The following MTHFD2L variants were observed in gnomAD, a reference collection of about 807,000 sequenced individuals.
The protein encoded by MTHFD2L is methylenetetrahydrofolate dehydrogenase (NADP+ dependent) 2 like.
MTHFD2L carries 29 observed loss-of-function variants against 34.9 expected under a neutral mutation model. The observed-to-expected ratio is 0.83, with a 90% confidence interval of 0.62 to 1.13. The LOEUF is 1.13. Ranked by LOEUF, MTHFD2L falls within the 50% of genes most tolerant of loss-of-function variation. MTHFD2L has a pLI of 0.00. For missense variants in MTHFD2L, 481 were observed against 446.5 expected (o/e 1.08, Z -0.70); for synonymous variants, 167 against 155.7 (o/e 1.07, Z -0.54).
chr4:74,130,783 G>A (rs547254845), intron 1 of MTHFD2L, among the ~76,000 whole-genome samples: 4 of 152,284 alleles, frequency 2.6e-5, no homozygotes, highest in Admixed American at 2.0e-4. Context: ...AATAGGAATA[G>A]AGGGAGTCAA....
chr4:74,241,622 C>T, intron 6 of MTHFD2L: 2 of 439,014 alleles, frequency 4.6e-6, no homozygotes, highest in East Asian at 7.6e-5. Flanking sequence ...AAGCGATCCA[C>T]CTGCCTCAGC....
At chr4:74,157,188 G>C (rs1724348740), upstream of MTHFD2L, 1 of 161,202 alleles carries the variant, frequency 6.2e-6, no homozygotes, top group Admixed American at 6.0e-5. Context: ...GAAAGAGTAG[G>C]GTATCCCATT....
At chr4:74,233,320 A>G (rs1418795900) in intron 6 of MTHFD2L, among the ~76,000 whole-genome samples, 3 of 152,174 alleles carry the variant, frequency 2.0e-5, no homozygotes, top group African/African-American at 7.2e-5. Flanking sequence ...GTGTAGTATC[A>G]AAAGAAACGT....
At chr4:74,173,212 A>G (rs1728359838) in intron 1 of MTHFD2L, among the ~76,000 whole-genome samples, 1 of 152,218 alleles carries the variant, frequency 6.6e-6, no homozygotes, top group Admixed American at 6.5e-5. Flanking sequence ...TTAAAAAAAT[A>G]AACACACAGT....
intron 6 of MTHFD2L, among the ~76,000 whole-genome samples, chr4:74,258,343 G>A (rs1744278039): frequency 6.6e-6 from 1 of 151,982 alleles, no homozygotes; most frequent in Non-Finnish European, 1.5e-5. Context: ...TTCATTGATG[G>A]ATGAATGTAT....
intron 3 of MTHFD2L, among the ~76,000 whole-genome samples, chr4:74,185,725 A>G (rs1350078327): frequency 6.6e-6 from 1 of 152,206 alleles, no homozygotes; most frequent in African/African-American, 2.4e-5. Flanking sequence ...AGCTCACTCA[A>G]AAAGAAATGT....
chr4:74,173,562 A>G lies in MTHFD2L; in HGVS notation c.144-944A>G, dbSNP rs139678585. 4.2e-3 allele frequency among the ~76,000 whole-genome samples: 646 copies of G among 152,266 alleles called. 20 individuals are homozygous for G. The highest frequency in any genetic ancestry group is 0.04 in the Admixed American group (616 of 15,286). On this transcript the variant is annotated intron_variant, in intron 1 of 7. Transcript: ENST00000325278. ...CATTTTTCTTTGAGTAAGTTAAAAG[A>G]GTTGTGTAGTATGAAGCTCATGACT... is the stretch of plus-strand genomic sequence containing the variant.
chr4:74,278,778 C>T (rs949888804), intron 6 of MTHFD2L, among the ~76,000 whole-genome samples: 4 of 152,018 alleles, frequency 2.6e-5, no homozygotes, highest in African/African-American at 4.8e-5. Flanking sequence ...CCACCGCTGG[C>T]CTAGAGTAAA....
chr4:74,204,960 C>T lies in MTHFD2L; in HGVS notation c.712+3590C>T, dbSNP rs146128774. The stretch of plus-strand genomic sequence containing the variant: ...TATACTTCGTGTTATGAAATATTCT[C>T]ATTTGAATGCATGTTAAAATGGAAT... On this transcript the variant is annotated intron_variant, in intron 5 of 7. Coordinates refer to ENST00000325278, the MANE Select transcript of MTHFD2L (RefSeq NM_001144978.3). Among the ~76,000 whole-genome samples the T allele has an allele frequency of 8.3e-3, 1,263 of 152,136 alleles. 6 individuals are homozygous for T. Among genetic ancestry groups the T allele is most frequent in the South Asian group, 0.027 (129 of 4,802 alleles).
At chr4:74,181,039 C>T (rs1248954052) in intron 3 of MTHFD2L, among the ~76,000 whole-genome samples, 1 of 151,718 alleles carries the variant, frequency 6.6e-6, no homozygotes, top group Admixed American at 6.6e-5. Flanking sequence ...GAAAAATAGT[C>T]TTTTAAAACT....
At chr4:74,137,943 A>G (rs966968209) in intron 1 of MTHFD2L, among the ~76,000 whole-genome samples, 1 of 152,046 alleles carries the variant, frequency 6.6e-6, no homozygotes, top group Non-Finnish European at 1.5e-5. Context: ...GTTACCAGAG[A>G]CCAAGAATGG....
chr4:74,280,516 A>G (rs888487870), intron 6 of MTHFD2L: 1 of 152,122 alleles, frequency 6.6e-6, no homozygotes, highest in African/African-American at 2.4e-5. Flanking sequence ...CTCCAATTAC[A>G]TGAAAGATCC....
At chr4:74,129,442 C>A (rs969342300) in intron 1 of MTHFD2L, among the ~76,000 whole-genome samples, 27 of 152,268 alleles carry the variant, frequency 1.8e-4, no homozygotes, top group African/African-American at 6.3e-4. Context: ...AAGAAACTCA[C>A]TCAAAACCAC....
intron 6 of MTHFD2L, among the ~76,000 whole-genome samples, chr4:74,254,321 A>G (rs979760582): frequency 6.6e-6 from 1 of 152,198 alleles, no homozygotes; most frequent in Non-Finnish European, 1.5e-5. Context: ...AAAGAGGTAT[A>G]TACCAAAACG....
intron 3 of MTHFD2L, among the ~76,000 whole-genome samples, chr4:74,176,161 T>G (rs1342587287): frequency 1.3e-5 from 2 of 152,072 alleles, no homozygotes; most frequent in Non-Finnish European, 2.9e-5. Flanking sequence ...TCCTCGTTTG[T>G]GTGATGGATT....
At chr4:74,211,815 GTT>G (rs1163579080) in intron 5 of MTHFD2L, among the ~76,000 whole-genome samples, 1 of 146,090 alleles carries the variant, frequency 6.8e-6, no homozygotes, top group Non-Finnish European at 1.5e-5. Context: ...ATCTGGTCCT[GTT>G]TTTTTTTTGG....
chr4:74,300,041 T>C (rs1231156215), intron 7 of MTHFD2L, among the ~76,000 whole-genome samples: 2 of 152,042 alleles, frequency 1.3e-5, no homozygotes, highest in African/African-American at 4.8e-5. Flanking sequence ...AAGAAAGGAC[T>C]AAAAATTCAT....
chr4:74,163,644 C>G (rs962243227), intron 1 of MTHFD2L, among the ~76,000 whole-genome samples: 19 of 152,266 alleles, frequency 1.2e-4, no homozygotes, highest in Middle Eastern at 3.4e-3. Context: ...TTAACACTTG[C>G]AGGTATTCAT....
At chr4:74,261,664 A>C (rs866384894) in intron 6 of MTHFD2L, among the ~76,000 whole-genome samples, 28 of 152,192 alleles carry the variant, frequency 1.8e-4, no homozygotes, top group African/African-American at 6.5e-4. Context: ...ATTTATTTGA[A>C]ATAGTTCAAA....
Sources: gnomAD v4.1 joint callset for allele counts (sites outside exome capture counted in the v4.1 genomes callset) on GRCh38, gnomAD v4.1.1 for gene constraint, MANE v1.5 for transcripts, NCBI Gene and HGNC (gene_info 2026-07-23, HGNC 2026-07-21) for gene names.